The following RHOT1 variants were observed in gnomAD, a reference collection of about 807,000 sequenced individuals.
The protein encoded by RHOT1 is mitochondrial Rho GTPase 1.
In RHOT1, 27 loss-of-function variants were observed where a neutral mutation model predicts 95.3. The ratio of observed to expected loss-of-function variants is 0.28; its 90% CI spans 0.21 to 0.39. The LOEUF (loss-of-function observed/expected upper bound fraction) is 0.39. Among genes scored for constraint, RHOT1 ranks in the 10% least tolerant of loss-of-function variants. The pLI is 1.00. For missense variants in RHOT1, 578 were observed against 786.7 expected (o/e 0.73, Z 3.17); for synonymous variants, 227 against 263.5 (o/e 0.86, Z 1.34).
intron 19 of RHOT1, among the ~76,000 whole-genome samples, chr17:32,218,482 G>A (rs1396743997): frequency 6.6e-6 from 1 of 151,042 alleles, no homozygotes; most frequent in Non-Finnish European, 1.5e-5. Context: ...ACTGTAGCCT[G>A]GGTGACACAA....
intron 8 of RHOT1, among the ~76,000 whole-genome samples, chr17:32,188,696 A>G (rs1275456957): frequency 6.6e-6 from 1 of 152,242 alleles, no homozygotes; most frequent in East Asian, 1.9e-4. Context: ...GTACTCAGTT[A>G]TATTTTGAGT....
chr17:32,151,435 C>G (rs2032274903), intron 1 of RHOT1: 1 of 631,968 alleles, frequency 1.6e-6, no homozygotes, highest in Admixed American at 2.2e-5. Flanking sequence ...GTGGTATCAC[C>G]TTCATGTTGG....
chr17:32,222,731 C>A, intron 19 of RHOT1: 1 of 316,964 alleles, frequency 3.2e-6, no homozygotes, highest in Non-Finnish European at 4.6e-6. Context: ...CTGCTGTGAA[C>A]TGCAAACTGT....
At chr17:32,148,040 C>A (rs1193294735) in intron 1 of RHOT1, among the ~76,000 whole-genome samples, 1 of 152,018 alleles carries the variant, frequency 6.6e-6, no homozygotes, top group Non-Finnish European at 1.5e-5. Flanking sequence ...CTGAGGCGGG[C>A]GGATCACAAG....
intron 16 of RHOT1, 78 bp from the exon 17 acceptor site, chr17:32,206,832 A>AG: frequency 9.8e-7 from 1 of 1,019,938 alleles, no homozygotes; most frequent in Non-Finnish European, 1.4e-6. Flanking sequence ...AGTCCAGGGA[A>AG]GGAAGTAATA....
intron 1 of RHOT1, among the ~76,000 whole-genome samples, chr17:32,146,006 A>G (rs1567644947): frequency 6.9e-6 from 1 of 145,744 alleles, no homozygotes; most frequent in Non-Finnish European, 1.5e-5. Flanking sequence ...ACAGGGTGAG[A>G]ATCTGTCTCA....
chr17:32,183,337 T>C (rs2035785941), intron 8 of RHOT1, 65 bp downstream of exon 8: 1 of 853,850 alleles, frequency 1.2e-6, no homozygotes, highest in South Asian at 3.7e-5. Flanking sequence ...TAGTGATTTT[T>C]AGTAACTCTT....
intron 1 of RHOT1, among the ~76,000 whole-genome samples, chr17:32,167,749 T>A (rs1485898892): frequency 2.6e-5 from 4 of 152,198 alleles, no homozygotes; most frequent in African/African-American, 9.7e-5. Context: ...GGCTGTTTCA[T>A]CTACATCGAA....
intron 1 of RHOT1, among the ~76,000 whole-genome samples, chr17:32,158,464 G>A (rs924806915): frequency 2.0e-5 from 3 of 151,858 alleles, no homozygotes; most frequent in Admixed American, 6.6e-5. Context: ...TCCCTCTGTC[G>A]TCGTTTTTTG....
At chr17:32,172,487 G>C (rs150097528) in intron 2 of RHOT1, among the ~76,000 whole-genome samples, 2 of 152,266 alleles carry the variant, frequency 1.3e-5, no homozygotes, top group African/African-American at 2.4e-5. Flanking sequence ...AATCTAGAAG[G>C]GTTTTTAATT....
At chr17:32,217,763 AAAAG>A (rs1337001354) in intron 19 of RHOT1, among the ~76,000 whole-genome samples, 11 of 151,854 alleles carry the variant, frequency 7.2e-5, no homozygotes, top group African/African-American at 1.2e-4. Context: ...CAAAAAAAAA[AAAAG>A]AAAGAAAGAA....
At chr17:32,162,092 C>T (rs2033615552) in intron 1 of RHOT1, among the ~76,000 whole-genome samples, 1 of 152,064 alleles carries the variant, frequency 6.6e-6, no homozygotes, top group Non-Finnish European at 1.5e-5. Flanking sequence ...AGTCATTGGC[C>T]ACGTGCTTGA....
chr17:32,186,520 C>T (rs1041891238), intron 8 of RHOT1, among the ~76,000 whole-genome samples: 10 of 152,014 alleles, frequency 6.6e-5, no homozygotes, highest in East Asian at 1.9e-4. Context: ...CCCACCACCA[C>T]GCCCGGCTAA....
At chr17:32,185,785 A>T (rs917879068) in intron 8 of RHOT1, among the ~76,000 whole-genome samples, 8 of 142,152 alleles carry the variant, frequency 5.6e-5, no homozygotes, top group Non-Finnish European at 1.1e-4. Flanking sequence ...CAGTGGTGTG[A>T]TCATAGCTCA....
chr17:32,167,396 G>A (rs2034184521), intron 1 of RHOT1, among the ~76,000 whole-genome samples: 1 of 149,910 alleles, frequency 6.7e-6, no homozygotes, highest in Non-Finnish European at 1.5e-5. Context: ...GTGCAATCTT[G>A]GCTCACTGCA....
intron 19 of RHOT1, chr17:32,221,097 G>C (rs1356796774): frequency 1.0e-6 from 1 of 969,404 alleles, no homozygotes; most frequent in Non-Finnish European, 1.2e-6. Flanking sequence ...GCCAGGCGTG[G>C]TGGCTCACGC....
chr17:32,157,294 G>A (rs1206027373), intron 1 of RHOT1, among the ~76,000 whole-genome samples: 1 of 152,142 alleles, frequency 6.6e-6, no homozygotes, highest in Non-Finnish European at 1.5e-5. Flanking sequence ...AGTGCCATGG[G>A]AGCTGGAGCC....
chr17:32,191,038 G>A (rs777110034), intron 8 of RHOT1, among the ~76,000 whole-genome samples: 8 of 152,142 alleles, frequency 5.3e-5, no homozygotes, highest in Non-Finnish European at 8.8e-5. Context: ...CAGGTGATCT[G>A]CACTCCTCGG....
intron 8 of RHOT1, 47 bp downstream of exon 8, chr17:32,183,319 T>G: frequency 9.4e-6 from 10 of 1,059,352 alleles, no homozygotes; most frequent in Non-Finnish European, 1.3e-5. Context: ...GTAGTAACTC[T>G]AGTATGGTAG....
Sources: gnomAD v4.1 joint callset for allele counts (sites outside exome capture counted in the v4.1 genomes callset) on GRCh38, gnomAD v4.1.1 for gene constraint, MANE v1.5 for transcripts, NCBI Gene and HGNC (gene_info 2026-07-23, HGNC 2026-07-21) for gene names.